PCDHA11: variants seen among roughly 807,000 people sequenced by gnomAD.
The protein encoded by PCDHA11 is protocadherin alpha 11.
Under a neutral mutation model 70.3 loss-of-function variants are expected in PCDHA11, and 61 were observed. The ratio of observed to expected loss-of-function variants is 0.87; its 90% CI spans 0.71 to 1.07. The LOEUF (loss-of-function observed/expected upper bound fraction) is 1.07, where lower values mean the gene tolerates loss of function less well. PCDHA11 is among the 50% of genes least tolerant of loss of function. The pLI is 0.00. For synonymous variants in PCDHA11, 633 were observed against 555.1 expected (o/e 1.14, Z -1.97); for missense variants, 1,324 against 1,237.5 (o/e 1.07, Z -1.05).
rs182063339 is a variant in PCDHA11 at position 140,937,439 on chromosome 5, T to C, written c.2392-41510T>C. Among the ~76,000 whole-genome samples, 830 of 152,312 alleles carry C rather than the reference T, an allele frequency of 5.4e-3. 3 individuals are homozygous for C. The highest frequency in any genetic ancestry group is 0.019 in the African/African-American group (799 of 41,586). Reference sequence around the variant, plus strand: ...TAGATAGCTGATATTTTAATGCTATTTTAAAAGTTTAATTTTATAATACAA... The same window carrying C: ...TAGATAGCTGATATTTTAATGCTATCTTAAAAGTTTAATTTTATAATACAA... On this transcript the variant is annotated intron_variant, in intron 1 of 3. Coordinates refer to ENST00000398640, the MANE Select transcript of PCDHA11 (RefSeq NM_018902.5).
At chr5:140,928,321 A>C (rs1296238254) in intron 1 of PCDHA11, 2 of 1,614,044 alleles carry the variant, frequency 1.2e-6, no homozygotes, top group African/African-American at 2.7e-5. Context: ...CCTGGGGAAG[A>C]ATGGCCTTGT....
At chr5:141,004,705 C>T (rs535016776) in intron 3 of PCDHA11, among the ~76,000 whole-genome samples, 5 of 152,154 alleles carry the variant, frequency 3.3e-5, no homozygotes, top group Admixed American at 6.5e-5. Context: ...TTTTAGGTGC[C>T]GAATCAGAGG....
intron 1 of PCDHA11, among the ~76,000 whole-genome samples, chr5:140,878,958 T>C (rs2057789754): frequency 6.6e-6 from 1 of 152,208 alleles, no homozygotes; most frequent in Admixed American, 6.5e-5. Context: ...TTGAAATGTA[T>C]TACCTGGACA....
chr5:140,901,229 T>C (rs1394148058), intron 1 of PCDHA11, among the ~76,000 whole-genome samples: 1 of 152,166 alleles, frequency 6.6e-6, no homozygotes, highest in African/African-American at 2.4e-5. Context: ...ATCCCATATA[T>C]CCATTTTTTT....
chr5:140,902,207 T>C (rs949937318), intron 1 of PCDHA11, among the ~76,000 whole-genome samples: 8 of 148,564 alleles, frequency 5.4e-5, no homozygotes, highest in South Asian at 4.3e-4. Flanking sequence ...CTCTTTCTTT[T>C]TTTTTTTTTT....
Position 141,012,278 on chromosome 5 carries a change from G to T in PCDHA11, c.*2341G>T, listed in dbSNP as rs545417237. ...CTGTAAGGATAAAACACGTCATGTG[G>T]ATTCATTTTGAATTGGTGCTATTGG... On this transcript the variant is annotated 3_prime_UTR_variant, in exon 4 of 4. Coordinates refer to ENST00000398640, the MANE Select transcript of PCDHA11 (RefSeq NM_018902.5). The T allele has an allele frequency of 6.5e-6, 1 of 153,848 alleles. No individual in the cohort carries two copies. The highest frequency in any genetic ancestry group is 2.1e-4 in the South Asian group (1 of 4,826). The allele number at this position is 153,848 out of a possible 1,614,324, so 9.5% of individuals were successfully genotyped here.
At chr5:140,919,452 A>G (rs1430872710) in intron 1 of PCDHA11, among the ~76,000 whole-genome samples, 4 of 152,182 alleles carry the variant, frequency 2.6e-5, no homozygotes, top group Non-Finnish European at 4.4e-5. Context: ...ATGTATTCAC[A>G]TGATGTTACT....
chr5:140,930,803 T>C (rs1227085867), intron 1 of PCDHA11, among the ~76,000 whole-genome samples: 2 of 152,222 alleles, frequency 1.3e-5, no homozygotes, highest in Non-Finnish European at 2.9e-5. Context: ...ATCCAGCATA[T>C]AAGATATGCT....
Position 140,871,004 on chromosome 5 carries a change from G to T in PCDHA11, c.1901G>T (p.Arg634Leu). The T allele has an allele frequency of 6.2e-7, 1 of 1,613,410 alleles. No individual in the cohort carries two copies. Among genetic ancestry groups the T allele is most frequent in the Non-Finnish European group, 8.5e-7 (1 of 1,179,874 alleles). ...GLYTGEISTT[R>L]ALDEADSPRH... Reference sequence around the variant, plus strand: ...TACACGGGCGAGATAAGCACAACGCGTGCCCTGGACGAGGCAGACTCGCCG... The same window carrying T: ...TACACGGGCGAGATAAGCACAACGCTTGCCCTGGACGAGGCAGACTCGCCG... The change falls in exon 1 of 4, where the codon CGT (arginine) becomes CTT (leucine). Residue 634 changes from arginine (R) to leucine (L), a missense_variant. By Grantham distance (102) the Arg-to-Leu change is moderately radical (BLOSUM62 -2). Coordinates refer to ENST00000398640, the MANE Select transcript of PCDHA11 (RefSeq NM_018902.5).
chr5:140,943,450 T>C (rs2093496924), intron 1 of PCDHA11, among the ~76,000 whole-genome samples: 1 of 152,012 alleles, frequency 6.6e-6, no homozygotes, highest in Non-Finnish European at 1.5e-5. Context: ...ATAGAATTGA[T>C]AAGGCTAAAT....
At position 141,012,035 on chromosome 5, in the gene PCDHA11, G is replaced by A. The variant is rs908623831; in HGVS notation, c.*2098G>A. The A allele has an allele frequency of 1.3e-5, 2 of 153,684 alleles. No individual in the cohort carries two copies. The highest frequency in any genetic ancestry group is 2.9e-5 in the Non-Finnish European group (2 of 68,026). The allele number at this position is 153,684 out of a possible 1,614,324, so 9.5% of individuals were successfully genotyped here. A position where few individuals can be genotyped will look rare whatever the true frequency, so the allele number is the denominator to read the frequency against. On this transcript the variant is annotated 3_prime_UTR_variant, in exon 4 of 4. Coordinates refer to ENST00000398640, the MANE Select transcript of PCDHA11 (RefSeq NM_018902.5). The stretch of plus-strand genomic sequence containing the variant: ...TGTGTAACTTCAGCTCTGCAGGATT[G>A]CATGGGGTAAAACTTGTTACCAACA...
At chr5:140,884,293 G>A in intron 1 of PCDHA11, 2 of 1,613,666 alleles carry the variant, frequency 1.2e-6, no homozygotes, top group Non-Finnish European at 1.7e-6. Flanking sequence ...GCGGCCAAGC[G>A]CCACAGGCTT....
Position 140,877,109 on chromosome 5 carries a change from G to A in PCDHA11, c.2391+5615G>A, listed in dbSNP as rs370191624. ...CGCGACGCCGGCGTGCCGCCTCTGG[G>A]CAGCAACGTGACGCTGCAGGTGTTC... is the stretch of plus-strand genomic sequence containing the variant. On this transcript the variant is annotated intron_variant, in intron 1 of 3. Transcript: ENST00000398640. The A allele has an allele frequency of 9.3e-6, 15 of 1,613,472 alleles. No individual in the cohort carries two copies. In the African/African-American group the frequency reaches 1.9e-4, roughly 20 times the overall value.
intron 2 of PCDHA11, among the ~76,000 whole-genome samples, chr5:140,980,159 A>G (rs2153821002): frequency 6.6e-6 from 1 of 152,326 alleles, no homozygotes; most frequent in Admixed American, 6.5e-5. Context: ...ATACCAGAAT[A>G]TTAGGTATCA....
At chr5:140,971,096 A>G (rs1240805149) in intron 1 of PCDHA11, among the ~76,000 whole-genome samples, 1 of 152,180 alleles carries the variant, frequency 6.6e-6, no homozygotes, top group African/African-American at 2.4e-5. Context: ...ATTCTTGTGA[A>G]GCCCTTTGGG....
At chr5:140,884,439 C>T (rs1554181562) in intron 1 of PCDHA11, 1 of 1,613,818 alleles carries the variant, frequency 6.2e-7, no homozygotes, top group Non-Finnish European at 8.5e-7. Flanking sequence ...CTGCGGTGCT[C>T]GGCACCGCCC....
intron 1 of PCDHA11, chr5:140,930,393 CTT>C (rs879960332): frequency 4.1e-5 from 6 of 145,282 alleles, no homozygotes; most frequent in Admixed American, 6.9e-5. Flanking sequence ...TTCAAAACTT[CTT>C]TTTTTTTTTT....
chr5:140,911,827 A>C (rs2075655305), intron 1 of PCDHA11, among the ~76,000 whole-genome samples: 1 of 152,162 alleles, frequency 6.6e-6, no homozygotes, highest in African/African-American at 2.4e-5. Context: ...GAAACCCCAA[A>C]ACCAATGAAA....
intron 1 of PCDHA11, among the ~76,000 whole-genome samples, chr5:140,872,884 T>C (rs1057197501): frequency 2.6e-5 from 4 of 152,238 alleles, no homozygotes; most frequent in Non-Finnish European, 4.4e-5. Flanking sequence ...GTTTCATTCA[T>C]CTCACTTTGT....
Sources: allele counts gnomAD v4.1 joint callset (sites outside exome capture counted in the v4.1 genomes callset), GRCh38; gene constraint gnomAD v4.1.1; transcripts MANE v1.5; gene names NCBI Gene and HGNC (gene_info 2026-07-23, HGNC 2026-07-21).